DENND5B: variants seen among roughly 807,000 people sequenced by gnomAD.
DENND5B encodes DENN domain-containing protein 5B.
A neutral mutation model predicts 140.6 loss-of-function variants in DENND5B; 34 were observed. The observed-to-expected ratio is 0.24, with a 90% confidence interval of 0.18 to 0.32. The LOEUF (loss-of-function observed/expected upper bound fraction) is 0.32. DENND5B is among the 10% of genes least tolerant of loss of function. DENND5B has a pLI of 1.00. For synonymous variants in DENND5B, 551 were observed against 562.1 expected, an observed-to-expected ratio of 0.98 and a Z score of 0.28; for missense variants, 1,142 against 1,560.2, an observed-to-expected ratio of 0.73 and a Z score of 4.52.
chr12:31,537,610 C>A (rs1362306698), intron 1 of DENND5B, among the ~76,000 whole-genome samples: 2 of 151,968 alleles, frequency 1.3e-5, no homozygotes, highest in South Asian at 2.1e-4. Flanking sequence ...AAGGAATAAG[C>A]CCTTGCTCAT....
chr12:31,544,516 C>T (rs1948788723), intron 1 of DENND5B, among the ~76,000 whole-genome samples: 1 of 152,134 alleles, frequency 6.6e-6, no homozygotes, highest in Non-Finnish European at 1.5e-5. Context: ...AGGTCCTGGG[C>T]TCAAGTGATC....
At position 31,385,564 on chromosome 12, in the gene DENND5B, T is replaced by TCC. The variant is rs1486470751; in HGVS notation, c.*2037_*2038dup. 1 of 152,218 alleles carries TCC rather than the reference T, an allele frequency of 6.6e-6. No homozygotes were observed. Among genetic ancestry groups the TCC allele is most frequent in the Non-Finnish European group, 1.5e-5 (1 of 68,068 alleles). 9.4% of individuals were successfully genotyped at this position (152,218 alleles called of 1,614,324 possible). A position where few individuals can be genotyped will look rare whatever the true frequency, so the allele number is the denominator to read the frequency against. ...CAGTGTAAAACAGGTTCTGGATATC[T>TCC]CCCACGATAAACTTCCCATGTCCCT... On this transcript the variant is annotated 3_prime_UTR_variant, in exon 21 of 21. Coordinates refer to ENST00000389082, the MANE Select transcript of DENND5B (RefSeq NM_144973.4).
intron 4 of DENND5B, among the ~76,000 whole-genome samples, chr12:31,454,695 A>G (rs1032140841): frequency 2.0e-5 from 3 of 151,858 alleles, no homozygotes; most frequent in Non-Finnish European, 4.4e-5. Flanking sequence ...CACCTGCCTC[A>G]GCCTCTCACA....
At chr12:31,554,306 T>C (rs1370621413) in intron 1 of DENND5B, among the ~76,000 whole-genome samples, 2 of 152,218 alleles carry the variant, frequency 1.3e-5, no homozygotes, top group Non-Finnish European at 2.9e-5. Context: ...AGTATTTTAT[T>C]TCTCCTTCAC....
intron 1 of DENND5B, among the ~76,000 whole-genome samples, chr12:31,583,374 C>T (rs1343436989): frequency 6.6e-6 from 1 of 150,872 alleles, no homozygotes; most frequent in Non-Finnish European, 1.5e-5. Flanking sequence ...GAGGTACTGA[C>T]TATAAAGAAT....
chr12:31,444,804 A>T (rs1438745049), intron 6 of DENND5B, among the ~76,000 whole-genome samples: 1 of 152,222 alleles, frequency 6.6e-6, no homozygotes, highest in Non-Finnish European at 1.5e-5. Flanking sequence ...AGACAATTTC[A>T]TTAATTCTAC....
Position 31,495,369 on chromosome 12 carries a change from T to C in DENND5B, c.237+441A>G, listed in dbSNP as rs1275934704. Among the ~76,000 whole-genome samples the C allele has an allele frequency of 2.7e-5, 3 of 113,132 alleles. No homozygotes were observed. The East Asian group carries it at 9.3e-4, about 35-fold the overall frequency. 74.2% of individuals were successfully genotyped at this position (113,132 alleles called of 152,430 possible). Reference sequence around the variant, plus strand: ...TTCCAGATCTTTAAAATGAGGAGAGTATCACATTTCTTTTTTTTTCTTTTT... The same window carrying C: ...TTCCAGATCTTTAAAATGAGGAGAGCATCACATTTCTTTTTTTTTCTTTTT... On this transcript the variant is annotated intron_variant, in intron 2 of 20. Transcript: ENST00000389082.
Position 31,442,914 on chromosome 12 carries a change from C to T in DENND5B, c.1873G>A (p.Glu625Lys), listed in dbSNP as rs778280035. The change falls in exon 7 of 21, where the codon GAG becomes AAG. Residue 625 changes from glutamate (E) to lysine (K), a missense_variant. Glu to Lys is a moderately conservative substitution (Grantham distance 56). Coordinates refer to ENST00000389082, the MANE Select transcript of DENND5B (RefSeq NM_144973.4). ...STLKEAAQSIEQRLMKMDHTA... is the reference protein window; with the variant it reads ...STLKEAAQSIKQRLMKMDHTA... ...TGATCCATTTTCATCAGTCTCTGCTCAATTGATTGGGCTATAAATTAAATT... is the reference window on the plus strand; with the variant it reads ...TGATCCATTTTCATCAGTCTCTGCTTAATTGATTGGGCTATAAATTAAATT... The T allele has an allele frequency of 2.1e-5, 33 of 1,574,794 alleles. No homozygotes were observed. Among genetic ancestry groups the T allele is most frequent in the Non-Finnish European group, 2.7e-5 (31 of 1,159,854 alleles).
chr12:31,551,508 C>G (rs1380992612), intron 1 of DENND5B, among the ~76,000 whole-genome samples: 2 of 152,124 alleles, frequency 1.3e-5, no homozygotes, highest in Admixed American at 6.5e-5. Flanking sequence ...ATGCCTCCAG[C>G]TTTGTTCTTT....
At chr12:31,583,825 T>C (rs1360683761) in intron 1 of DENND5B, among the ~76,000 whole-genome samples, 2 of 152,246 alleles carry the variant, frequency 1.3e-5, no homozygotes, top group African/African-American at 2.4e-5. Flanking sequence ...CACTTACGTA[T>C]GTACTCCAGA....
Position 31,415,424 on chromosome 12 carries a change from T to C in DENND5B, c.2495A>G (p.Lys832Arg), listed in dbSNP as rs923339929. 1.2e-6 allele frequency: 2 copies of C among 1,609,518 alleles called. No homozygotes were observed. Among genetic ancestry groups the C allele is most frequent in the African/African-American group, 2.7e-5 (2 of 74,802 alleles). The change falls in exon 12 of 21, where the codon AAA becomes AGA. Residue 832 changes from lysine to arginine, a missense_variant. By Grantham distance (26) the Lys-to-Arg change is conservative. Coordinates refer to ENST00000389082, the MANE Select transcript of DENND5B (RefSeq NM_144973.4). ...TGGCAACATAACTCCTGAGTCAGAT[T>C]TTCTTCTTTCTGGTCCGAGGGCAAC... ...SPVALGPERRKSDSGVMLPTL... is the reference protein window; with the variant it reads ...SPVALGPERRRSDSGVMLPTL...
intron 1 of DENND5B, among the ~76,000 whole-genome samples, chr12:31,531,489 C>CCCAG (rs1298583705): frequency 2.6e-5 from 4 of 152,242 alleles, no homozygotes; most frequent in Admixed American, 2.6e-4. Context: ...AGCCACCGTG[C>CCCAG]CCAGCCAGCT....
At chr12:31,458,133 C>A (rs1944865890) in intron 4 of DENND5B, among the ~76,000 whole-genome samples, 1 of 151,392 alleles carries the variant, frequency 6.6e-6, no homozygotes, top group South Asian at 2.1e-4. Flanking sequence ...TAGAAAATCA[C>A]AGACATTACT....
intron 6 of DENND5B, among the ~76,000 whole-genome samples, chr12:31,445,658 T>C (rs149599359): frequency 0.011 from 1,729 of 151,460 alleles, 24 homozygotes; most frequent in African/African-American, 0.04. Flanking sequence ...TGAGCCGAGA[T>C]GGCACCACTG....
intron 1 of DENND5B, among the ~76,000 whole-genome samples, chr12:31,521,525 T>C (rs1257699691): frequency 3.3e-5 from 5 of 152,136 alleles, no homozygotes; most frequent in Non-Finnish European, 7.3e-5. Flanking sequence ...AAATTGCTGA[T>C]TGTATTTCAA....
At chr12:31,549,255 T>C (rs1948959818) in intron 1 of DENND5B, among the ~76,000 whole-genome samples, 1 of 152,134 alleles carries the variant, frequency 6.6e-6, no homozygotes, top group Non-Finnish European at 1.5e-5. Context: ...AGAGATAAAA[T>C]GTAGCATCTG....
intron 1 of DENND5B, among the ~76,000 whole-genome samples, chr12:31,523,512 A>T (rs559330696): frequency 1.6e-4 from 25 of 152,144 alleles, no homozygotes; most frequent in Admixed American, 6.6e-4. Context: ...CATTTCACCA[A>T]AACAAAACAA....
chr12:31,460,411 A>G, intron 3 of DENND5B, 30 bp from the exon 4 acceptor site: 1 of 1,588,522 alleles, frequency 6.3e-7, no homozygotes, highest in Non-Finnish European at 8.6e-7. Context: ...AGGAAAGGGA[A>G]GAGTCCAAGT....
At chr12:31,543,460 A>T (rs547542052) in intron 1 of DENND5B, among the ~76,000 whole-genome samples, 1 of 152,352 alleles carries the variant, frequency 6.6e-6, no homozygotes, top group African/African-American at 2.4e-5. Flanking sequence ...TAAGTGACTT[A>T]TAAAATTTTA....
Sources: allele counts gnomAD v4.1 joint callset (sites outside exome capture counted in the v4.1 genomes callset), GRCh38; gene constraint gnomAD v4.1.1; transcripts MANE v1.5; gene names NCBI Gene and HGNC (gene_info 2026-07-23, HGNC 2026-07-21).